Variants in ABCB4 observed in about 807,000 individuals in gnomAD.
ABCB4 encodes ATP binding cassette subfamily B member 4, also known as phosphatidylcholine translocator ABCB4.
Under a neutral mutation model 145.7 loss-of-function variants are expected in ABCB4, and 76 were observed. The ratio of observed to expected loss-of-function variants is 0.52; its 90% CI spans 0.43 to 0.63. The LOEUF (loss-of-function observed/expected upper bound fraction) is 0.63. Ranked by LOEUF, ABCB4 falls within the 30% of genes least tolerant of loss-of-function variation. ABCB4 has a pLI of 0.00. For missense variants in ABCB4, 1,234 were observed against 1,553.1 expected (o/e 0.79, Z 3.45); for synonymous variants, 517 against 566.8 (o/e 0.91, Z 1.25).
downstream of ABCB4, among the ~76,000 whole-genome samples, chr7:87,400,957 A>T (rs1049577498): frequency 6.6e-6 from 1 of 152,196 alleles, no homozygotes; most frequent in Non-Finnish European, 1.5e-5. Flanking sequence ...AGTGTATTTT[A>T]AAAAACAGAT....
At chr7:87,450,645 T>C (rs45524843) in intron 7 of ABCB4, among the ~76,000 whole-genome samples, 107 of 152,208 alleles carry the variant, frequency 7.0e-4, no homozygotes, top group Non-Finnish European at 1.1e-3. Flanking sequence ...TAATTATTTG[T>C]ATTTTTAGTA....
chr7:87,432,506 T>C (rs1810311585), intron 14 of ABCB4, among the ~76,000 whole-genome samples: 2 of 152,238 alleles, frequency 1.3e-5, no homozygotes, highest in Admixed American at 1.3e-4. Context: ...AGATTTAAAA[T>C]GTGGTATATC....
At chr7:87,371,073 T>C in the ABCB4 span, among the ~76,000 whole-genome samples, 2 of 152,242 alleles carry the variant, frequency 1.3e-5, no homozygotes, top group African/African-American at 4.8e-5. Flanking sequence ...AAGTTCTTAA[T>C]TGAATGAACT....
In ABCB4 at chr7:87,475,423, T is replaced by C. The variant is rs1341475035; in HGVS notation, c.43A>G (p.Thr15Ala). 6.2e-7 allele frequency: 1 copy of C among 1,614,238 alleles called. No individual in the cohort carries two copies. The highest frequency in any genetic ancestry group is 1.1e-5 in the South Asian group (1 of 91,088). The change falls in exon 2 of 28, where the codon ACG becomes GCG. Residue 15 changes from threonine to alanine, a missense_variant. This residue lies in a region of ABCB4 where 77 missense variants were observed against 73.3 expected (regional missense o/e 1.05). Transcript: ENST00000649586. ...AAKNGTAWRP[T>A]SAEGDFELGI... Reference sequence around the variant, plus strand: ...AGTTCAAAGTCGCCCTCCGCGCTCGTGGGGCGCCAGGCTGTTCCGTTCTTT... The same window carrying C: ...AGTTCAAAGTCGCCCTCCGCGCTCGCGGGGCGCCAGGCTGTTCCGTTCTTT...
chr7:87,412,741 A>G (rs912641610), intron 22 of ABCB4, among the ~76,000 whole-genome samples: 1 of 152,186 alleles, frequency 6.6e-6, no homozygotes, highest in African/African-American at 2.4e-5. Flanking sequence ...GGTGTTACAA[A>G]ACTTGAGCAT....
the ABCB4 span, among the ~76,000 whole-genome samples, chr7:87,383,749 G>A: frequency 6.6e-6 from 1 of 151,926 alleles, no homozygotes; most frequent in Non-Finnish European, 1.5e-5. Flanking sequence ...TGCGTGCCTT[G>A]GCCTCCCAAA....
intron 24 of ABCB4, among the ~76,000 whole-genome samples, chr7:87,408,998 A>C (rs142836345): frequency 6.6e-6 from 1 of 152,234 alleles, no homozygotes; most frequent in East Asian, 1.9e-4. Flanking sequence ...CAGTTCTAAT[A>C]TATCTGGTTT....
downstream of ABCB4, among the ~76,000 whole-genome samples, chr7:87,397,664 C>G (rs1807581660): frequency 6.6e-6 from 1 of 152,122 alleles, no homozygotes; most frequent in Non-Finnish European, 1.5e-5. Flanking sequence ...GCAGGACTTC[C>G]TAAAGGTTTC....
chr7:87,445,351 T>C (rs1811274522), intron 9 of ABCB4, among the ~76,000 whole-genome samples: 2 of 152,216 alleles, frequency 1.3e-5, no homozygotes, highest in African/African-American at 4.8e-5. Context: ...ATGGCAGATT[T>C]TGGCCCTATG....
the ABCB4 span, among the ~76,000 whole-genome samples, chr7:87,394,458 A>G: frequency 6.6e-6 from 1 of 152,172 alleles, no homozygotes; most frequent in Admixed American, 6.5e-5. Flanking sequence ...TGACATTACA[A>G]GAAAGAGTTG....
chr7:87,400,220 G>A (rs2116276645), downstream of ABCB4, among the ~76,000 whole-genome samples: 1 of 152,248 alleles, frequency 6.6e-6, no homozygotes, highest in East Asian at 1.9e-4. Flanking sequence ...AAGGAGTGGG[G>A]AAAAAGTAAT....
chr7:87,366,499 T>C, the ABCB4 span, among the ~76,000 whole-genome samples: 1 of 152,216 alleles, frequency 6.6e-6, no homozygotes, highest in South Asian at 2.1e-4. Context: ...TTCTTGATGA[T>C]TTTAGCTTTC....
At chr7:87,391,312 G>C in the ABCB4 span, among the ~76,000 whole-genome samples, 1 of 152,358 alleles carries the variant, frequency 6.6e-6, no homozygotes, top group African/African-American at 2.4e-5. Flanking sequence ...GGTTACAGCA[G>C]AGCATAAATA....
intron 5 of ABCB4, among the ~76,000 whole-genome samples, chr7:87,454,054 A>C (rs1811946232): frequency 6.6e-6 from 1 of 152,218 alleles, no homozygotes; most frequent in Non-Finnish European, 1.5e-5. Flanking sequence ...AATACTTTCA[A>C]ATTTTTATTA....
At chr7:87,443,621 T>G in intron 11 of ABCB4, 42 bp downstream of exon 11, 1 of 1,574,988 alleles carries the variant, frequency 6.3e-7, no homozygotes, top group Non-Finnish European at 8.7e-7. Flanking sequence ...GATTCAACAA[T>G]CAACCTCAGT....
intron 24 of ABCB4, 87 bp from the exon 25 acceptor site, chr7:87,408,321 A>G: frequency 7.7e-7 from 1 of 1,302,610 alleles, no homozygotes; most frequent in Non-Finnish European, 1.1e-6. Flanking sequence ...TTTACCAAAG[A>G]CTGTAGTAGA....
intron 23 of ABCB4, among the ~76,000 whole-genome samples, chr7:87,411,230 G>A (rs1808603225): frequency 6.6e-6 from 1 of 151,680 alleles, no homozygotes; most frequent in Non-Finnish European, 1.5e-5. Flanking sequence ...AAAAATGGCT[G>A]TTCACCACTG....
intron 3 of ABCB4, among the ~76,000 whole-genome samples, chr7:87,469,180 A>T (rs1307490599): frequency 6.6e-6 from 1 of 152,206 alleles, no homozygotes; most frequent in African/African-American, 2.4e-5. Context: ...ACAGCCATTC[A>T]TGCTAAAAAC....
At chr7:87,393,087 T>C in the ABCB4 span, 9 of 1,609,990 alleles carry the variant, frequency 5.6e-6, no homozygotes, top group Non-Finnish European at 7.6e-6. Flanking sequence ...CTCTTTTTTA[T>C]TCTTTCTGTG....
Sources: allele counts gnomAD v4.1 joint callset (sites outside exome capture counted in the v4.1 genomes callset), GRCh38; gene constraint gnomAD v4.1.1; regional missense constraint gnomAD v4.1.1; transcripts MANE v1.5; gene names NCBI Gene and HGNC (gene_info 2026-07-23, HGNC 2026-07-21).